Variants in PPM1E observed in about 807,000 individuals in gnomAD.
PPM1E encodes the protein protein phosphatase 1E.
Under a neutral mutation model 65.9 loss-of-function variants are expected in PPM1E, and 20 were observed. The observed-to-expected ratio is 0.30, with a 90% confidence interval of 0.21 to 0.44. The LOEUF (loss-of-function observed/expected upper bound fraction) is 0.44. Among genes scored for constraint, PPM1E ranks in the 20% least tolerant of loss-of-function variants. PPM1E has a pLI of 1.00. For synonymous variants in PPM1E, 352 were observed against 374.9 expected (o/e 0.94, Z 0.70); for missense variants, 713 against 953.1 (o/e 0.75, Z 3.32).
chr17:58,820,219 A>G (rs367752713), intron 1 of PPM1E, among the ~76,000 whole-genome samples: 2 of 152,116 alleles, frequency 1.3e-5, no homozygotes, highest in African/African-American at 4.8e-5. Flanking sequence ...ACAATTGGAC[A>G]TGAGATTTGG....
At chr17:58,884,817 G>A (rs2051246959) in intron 1 of PPM1E, among the ~76,000 whole-genome samples, 1 of 152,136 alleles carries the variant, frequency 6.6e-6, no homozygotes, top group Non-Finnish European at 1.5e-5. Context: ...ATTAACTTAT[G>A]TAAAGGACTT....
chr17:58,910,757 A>G (rs760919636), intron 1 of PPM1E, among the ~76,000 whole-genome samples: 3 of 152,192 alleles, frequency 2.0e-5, no homozygotes, highest in Non-Finnish European at 4.4e-5. Context: ...AGGTGGGACA[A>G]GAAGGCTAGA....
rs972007112 is a variant in PPM1E, at chr17:58,796,608, AATTAAGT to A, written c.464+40152_464+40158del. 2.2e-3 allele frequency among the ~76,000 whole-genome samples: 293 copies of A among 132,430 alleles called. 1 individual carries two copies. The highest frequency in any genetic ancestry group is 8.6e-3 in the African/African-American group (285 of 33,180). The allele number at this position is 132,430 out of a possible 152,430, so 86.9% of individuals were successfully genotyped here. A position where few individuals can be genotyped will look rare whatever the true frequency, so the allele number is the denominator to read the frequency against. On this transcript the variant is annotated intron_variant, in intron 1 of 6. Transcript: ENST00000308249. ...AATTTGACATTGACCTTTATCTTTT[AATTAAGT>A]ATTATTTACTTTTGTTTTTATTCTC...
intron 1 of PPM1E, among the ~76,000 whole-genome samples, chr17:58,892,869 A>G (rs542533661): frequency 6.6e-6 from 1 of 152,338 alleles, no homozygotes; most frequent in East Asian, 1.9e-4. Context: ...AAAATGCTCA[A>G]CATCGATATG....
intron 1 of PPM1E, among the ~76,000 whole-genome samples, chr17:58,767,327 G>C (rs1348935326): frequency 2.0e-5 from 3 of 152,174 alleles, no homozygotes; most frequent in African/African-American, 7.2e-5. Context: ...TAAAGAACAA[G>C]TTTTCACCAT....
chr17:58,883,770 C>A (rs2143402031), intron 1 of PPM1E, among the ~76,000 whole-genome samples: 1 of 151,834 alleles, frequency 6.6e-6, no homozygotes, highest in Non-Finnish European at 1.5e-5. Context: ...CAGGCGTGAG[C>A]CACCGCGCCC....
intron 1 of PPM1E, among the ~76,000 whole-genome samples, chr17:58,928,355 A>T (rs946876266): frequency 6.6e-6 from 1 of 152,030 alleles, no homozygotes; most frequent in Non-Finnish European, 1.5e-5. Context: ...TTGATATTTG[A>T]AAGAAATTAT....
intron 1 of PPM1E, among the ~76,000 whole-genome samples, chr17:58,822,395 A>G (rs938694994): frequency 2.6e-5 from 4 of 150,946 alleles, no homozygotes; most frequent in Non-Finnish European, 5.9e-5. Flanking sequence ...AGTCCCAAGT[A>G]TCTTTCTCCA....
chr17:58,879,714 T>G (rs1316619012), intron 1 of PPM1E, among the ~76,000 whole-genome samples: 5 of 151,966 alleles, frequency 3.3e-5, no homozygotes, highest in Non-Finnish European at 5.9e-5. Flanking sequence ...TTTCACCATG[T>G]TAGCCAGGAT....
At chr17:58,887,089 AC>A (rs1204535727) in intron 1 of PPM1E, among the ~76,000 whole-genome samples, 2 of 152,010 alleles carry the variant, frequency 1.3e-5, no homozygotes, top group Non-Finnish European at 2.9e-5. Context: ...AAACAAAATT[AC>A]TATAGCATTT....
intron 2 of PPM1E, among the ~76,000 whole-genome samples, chr17:58,959,502 G>C (rs572515231): frequency 2.0e-5 from 3 of 151,534 alleles, no homozygotes; most frequent in Non-Finnish European, 4.4e-5. Flanking sequence ...AGGAGGCTGA[G>C]ACAGGAGAAT....
intron 1 of PPM1E, among the ~76,000 whole-genome samples, chr17:58,872,033 C>T (rs1171741387): frequency 6.6e-6 from 1 of 152,186 alleles, no homozygotes; most frequent in Non-Finnish European, 1.5e-5. Flanking sequence ...CGTGGTGGCT[C>T]ACGCCTGTAA....
intron 1 of PPM1E, among the ~76,000 whole-genome samples, chr17:58,906,418 A>C (rs1302676004): frequency 5.9e-5 from 9 of 152,174 alleles, no homozygotes; most frequent in African/African-American, 1.9e-4. Flanking sequence ...GGCTCACTGC[A>C]GCTTCAATCT....
At chr17:58,942,012 A>G (rs889493276) in intron 1 of PPM1E, among the ~76,000 whole-genome samples, 1 of 152,032 alleles carries the variant, frequency 6.6e-6, no homozygotes, top group Non-Finnish European at 1.5e-5. Context: ...TCTCAAAAAA[A>G]AAAAAAAAAA....
intron 1 of PPM1E, among the ~76,000 whole-genome samples, chr17:58,904,572 G>A (rs560433486): frequency 2.0e-5 from 3 of 152,240 alleles, no homozygotes; most frequent in East Asian, 3.9e-4. Context: ...TTGGGGTTGT[G>A]TTGAATTTAT....
intron 1 of PPM1E, among the ~76,000 whole-genome samples, chr17:58,939,705 A>T (rs1157159615): frequency 6.6e-6 from 1 of 152,172 alleles, no homozygotes; most frequent in Non-Finnish European, 1.5e-5. Flanking sequence ...TATGCCTTAG[A>T]CATAAAATAG....
intron 2 of PPM1E, among the ~76,000 whole-genome samples, chr17:58,956,209 A>G (rs1384088795): frequency 6.6e-6 from 1 of 152,162 alleles, no homozygotes; most frequent in African/African-American, 2.4e-5. Context: ...TGAGGTGGGC[A>G]GATCACCTGA....
chr17:58,973,815 T>C (rs2030812219), intron 6 of PPM1E, among the ~76,000 whole-genome samples: 1 of 151,608 alleles, frequency 6.6e-6, no homozygotes. Context: ...AGCTGGGTGT[T>C]GTGGCACACG....
intron 1 of PPM1E, among the ~76,000 whole-genome samples, chr17:58,950,561 AT>A (rs1293078325): frequency 6.6e-6 from 1 of 152,032 alleles, no homozygotes; most frequent in African/African-American, 2.4e-5. Flanking sequence ...CCATAATGCA[AT>A]TATTTGTTTG....
Sources: gnomAD v4.1 joint callset for allele counts (sites outside exome capture counted in the v4.1 genomes callset) on GRCh38, gnomAD v4.1.1 for gene constraint, MANE v1.5 for transcripts, NCBI Gene and HGNC (gene_info 2026-07-23, HGNC 2026-07-21) for gene names.